Variants in TMPRSS11F observed in about 807,000 individuals in gnomAD.
The protein encoded by TMPRSS11F is transmembrane protease serine 11F.
In TMPRSS11F, 47 loss-of-function variants were observed where a neutral mutation model predicts 60.2. The observed-to-expected ratio is 0.78, with a 90% CI of 0.62 to 1.00. TMPRSS11F has a LOEUF of 1.00. TMPRSS11F is among the 50% of genes least tolerant of loss of function. The probability of loss-of-function intolerance (pLI) is 0.00; values close to 1 mark genes in which losing one functional copy is unlikely to be tolerated. For missense variants in TMPRSS11F, 519 were observed against 522.9 expected (o/e 0.99, Z 0.07); for synonymous variants, 166 against 167.3 (o/e 0.99, Z 0.06).
At chr4:68,127,176 T>C (rs1724727816) in intron 1 of TMPRSS11F, among the ~76,000 whole-genome samples, 1 of 152,200 alleles carries the variant, frequency 6.6e-6, no homozygotes, top group Non-Finnish European at 1.5e-5. Context: ...CATCTATTTG[T>C]GAGTGTATCT....
chr4:68,056,812 A>G (rs762492816), intron 9 of TMPRSS11F, among the ~76,000 whole-genome samples: 1 of 152,240 alleles, frequency 6.6e-6, no homozygotes, highest in Non-Finnish European at 1.5e-5. Context: ...TGTAATCAAC[A>G]TAGTGTGGTC....
At chr4:68,076,113 T>G (rs912528426) in intron 3 of TMPRSS11F, among the ~76,000 whole-genome samples, 1 of 152,252 alleles carries the variant, frequency 6.6e-6, no homozygotes, top group Non-Finnish European at 1.5e-5. Context: ...ACCTCCTTTC[T>G]TGATTTCCAT....
chr4:68,055,366 A>G (rs1723022858), intron 9 of TMPRSS11F, among the ~76,000 whole-genome samples: 1 of 152,190 alleles, frequency 6.6e-6, no homozygotes, highest in Non-Finnish European at 1.5e-5. Flanking sequence ...AAGAGTAAAA[A>G]TGAGGAAATT....
intron 3 of TMPRSS11F, among the ~76,000 whole-genome samples, chr4:68,086,245 G>C (rs2109860055): frequency 6.6e-6 from 1 of 152,016 alleles, no homozygotes; most frequent in African/African-American, 2.4e-5. Context: ...ACAACTACAT[G>C]GAAATTAAGT....
At chr4:68,070,250 CA>C (rs374708284) in intron 5 of TMPRSS11F, among the ~76,000 whole-genome samples, 248 of 152,024 alleles carry the variant, frequency 1.6e-3, no homozygotes, top group African/African-American at 5.7e-3. Flanking sequence ...TGATTTTGCT[CA>C]GGAAAAAGAA....
At chr4:68,097,116 A>C (rs1246406777) in intron 2 of TMPRSS11F, among the ~76,000 whole-genome samples, 2 of 152,234 alleles carry the variant, frequency 1.3e-5, no homozygotes. Flanking sequence ...AATTATCTGC[A>C]GTCAGGAAAG....
chr4:68,106,984 A>G lies in TMPRSS11F; in HGVS notation c.12-7946T>C, dbSNP rs554405114. Among the ~76,000 whole-genome samples, 29 of 152,292 alleles carry G rather than the reference A, an allele frequency of 1.9e-4. 1 individual carries two copies. The South Asian group carries it at 4.6e-3, about 24-fold the overall frequency. On this transcript the variant is annotated intron_variant, in intron 1 of 9. Coordinates refer to ENST00000356291, the MANE Select transcript of TMPRSS11F (RefSeq NM_207407.2). ...ATCTTGGAAGCACTACTCTCATGCT[A>G]TGGTATCAGCAAGGTCAGCTATACC...
At chr4:68,062,840 T>G in intron 8 of TMPRSS11F, 1 of 772,690 alleles carries the variant, frequency 1.3e-6, no homozygotes, top group Non-Finnish European at 2.4e-6. Context: ...TAGAGTTAAC[T>G]TAACATATGT....
chr4:68,063,155 C>T (rs1175712971), intron 8 of TMPRSS11F: 2 of 609,110 alleles, frequency 3.3e-6, no homozygotes, highest in East Asian at 8.3e-5. Flanking sequence ...GAAGCAGCAT[C>T]AGGATAATAA....
chr4:68,116,083 T>G (rs1724513275), intron 1 of TMPRSS11F, among the ~76,000 whole-genome samples: 1 of 150,528 alleles, frequency 6.6e-6, no homozygotes, highest in Non-Finnish European at 1.5e-5. Flanking sequence ...TCTTTCTTTC[T>G]CAAAAAAAAA....
At chr4:68,095,751 C>T (rs755611247) in intron 2 of TMPRSS11F, among the ~76,000 whole-genome samples, 3 of 152,044 alleles carry the variant, frequency 2.0e-5, no homozygotes, top group Non-Finnish European at 2.9e-5. Context: ...CAAAAATTAT[C>T]TGGGCATGGT....
rs1460081062 is a variant in TMPRSS11F at position 68,100,035 on chromosome 4, CACCAGGTCA to C, written c.12-1006_12-998del. ...ATTACAACTTTGAGGAATAAAAGCT[CACCAGGTCA>C]AAAAAAAAAAAAGGACAGAGAAAAT... is the stretch of plus-strand genomic sequence containing the variant. On this transcript the variant is annotated intron_variant, in intron 1 of 9. Transcript: ENST00000356291. 2.1e-5 allele frequency among the ~76,000 whole-genome samples: 3 copies of C among 143,634 alleles called. No homozygotes were observed. The Admixed American group carries it at 2.1e-4, about 10-fold the overall frequency. 94.2% of individuals were successfully genotyped at this position (143,634 alleles called of 152,430 possible).
chr4:68,108,029 G>A (rs2109878593), intron 1 of TMPRSS11F, among the ~76,000 whole-genome samples: 1 of 152,278 alleles, frequency 6.6e-6, no homozygotes, highest in South Asian at 2.1e-4. Flanking sequence ...ACACTGGATG[G>A]AGGGCAGCAG....
intron 1 of TMPRSS11F, among the ~76,000 whole-genome samples, chr4:68,101,367 T>A (rs1411390304): frequency 1.3e-5 from 2 of 152,162 alleles, no homozygotes; most frequent in Non-Finnish European, 2.9e-5. Flanking sequence ...AAAAAGGTCA[T>A]AATAAAATAA....
intron 1 of TMPRSS11F, among the ~76,000 whole-genome samples, chr4:68,119,551 C>T (rs1234925283): frequency 1.3e-5 from 2 of 152,100 alleles, no homozygotes; most frequent in Non-Finnish European, 2.9e-5. Flanking sequence ...ATTCTAGGGC[C>T]CTTAAGAATT....
intron 3 of TMPRSS11F, among the ~76,000 whole-genome samples, chr4:68,075,553 C>T (rs1723565661): frequency 6.6e-6 from 1 of 152,038 alleles, no homozygotes; most frequent in Admixed American, 6.6e-5. Flanking sequence ...GCTTGTATGG[C>T]AATATCCTAG....
intron 9 of TMPRSS11F, among the ~76,000 whole-genome samples, chr4:68,054,726 A>T (rs1221115799): frequency 6.6e-6 from 1 of 152,102 alleles, no homozygotes; most frequent in Non-Finnish European, 1.5e-5. Flanking sequence ...TTATTTATTT[A>T]TCTGTTTCTT....
intron 1 of TMPRSS11F, among the ~76,000 whole-genome samples, chr4:68,111,171 T>A (rs1724404118): frequency 6.6e-6 from 1 of 152,140 alleles, no homozygotes; most frequent in Non-Finnish European, 1.5e-5. Context: ...TTATATGACT[T>A]GTCTAGTCTA....
chr4:68,065,337 G>T (rs143496580), intron 7 of TMPRSS11F, among the ~76,000 whole-genome samples: 1 of 152,044 alleles, frequency 6.6e-6, no homozygotes, highest in African/African-American at 2.4e-5. Flanking sequence ...TTATTTTACT[G>T]GTTTTACTGT....
Sources: allele counts gnomAD v4.1 joint callset (sites outside exome capture counted in the v4.1 genomes callset), GRCh38; gene constraint gnomAD v4.1.1; transcripts MANE v1.5; gene names NCBI Gene and HGNC (gene_info 2026-07-23, HGNC 2026-07-21).